Variants in ATP8A1 observed in about 807,000 individuals in gnomAD.
The protein encoded by ATP8A1 is ATPase phospholipid transporting 8A1.
Under a neutral mutation model 177.7 loss-of-function variants are expected in ATP8A1, and 90 were observed. The ratio of observed to expected loss-of-function variants is 0.51; its 90% CI spans 0.43 to 0.60. ATP8A1 has a LOEUF of 0.60. Among genes scored for constraint, ATP8A1 ranks in the 20% least tolerant of loss-of-function variants. The probability of loss-of-function intolerance (pLI) is 0.00; values close to 1 mark genes in which losing one functional copy is unlikely to be tolerated. For synonymous variants in ATP8A1, 493 were observed against 485.9 expected (o/e 1.01, Z -0.19); for missense variants, 1,072 against 1,392.8 (o/e 0.77, Z 3.67).
In ATP8A1 at chr4:42,507,809, A is replaced by C. The variant is rs200724771; in HGVS notation, c.1948-655T>G. Among the ~76,000 whole-genome samples, 78 of 139,446 alleles carry C rather than the reference A, an allele frequency of 5.6e-4. 1 individual carries two copies. The highest frequency in any genetic ancestry group is 2.1e-3 in the African/African-American group (72 of 34,288). 91.5% of individuals were successfully genotyped at this position (139,446 alleles called of 152,430 possible). ...AAAAAAAAAAAAAAAAAAAAAAAAA[A>C]CATACAAACAGCTATGGGAGACTAC... On this transcript the variant is annotated intron_variant, in intron 22 of 36. Coordinates refer to ENST00000381668, the MANE Select transcript of ATP8A1 (RefSeq NM_006095.2).
intron 20 of ATP8A1, among the ~76,000 whole-genome samples, chr4:42,537,141 A>G (rs1387781147): frequency 6.9e-6 from 1 of 144,326 alleles, no homozygotes; most frequent in Non-Finnish European, 1.5e-5. Flanking sequence ...TCAAAAAAAA[A>G]AAAAACAAAA....
In ATP8A1 at chr4:42,412,667, G is replaced by A. The variant is rs899544949; in HGVS notation, c.*249C>T. 2.7e-6 allele frequency: 1 copy of A among 364,716 alleles called. No individual in the cohort carries two copies. Among genetic ancestry groups the A allele is most frequent in the African/African-American group, 2.1e-5 (1 of 47,486 alleles). 22.6% of individuals were successfully genotyped at this position (364,716 alleles called of 1,614,324 possible). On this transcript the variant is annotated 3_prime_UTR_variant, in exon 37 of 37. Transcript: ENST00000381668. ...AGAAAGCCCTCTGGCAAGATACCAG[G>A]TCATTTTCAATTTCCGTTTACAAAG...
At position 42,447,403 on chromosome 4, in the gene ATP8A1, G is replaced by A. The variant is rs184443779; in HGVS notation, c.2897-759C>T. Among the ~76,000 whole-genome samples the A allele has an allele frequency of 8.0e-4, 122 of 152,040 alleles. No individual in the cohort carries two copies. In the Middle Eastern group the frequency reaches 0.024, roughly 30 times the overall value. On this transcript the variant is annotated intron_variant, in intron 30 of 36. Coordinates refer to ENST00000381668, the MANE Select transcript of ATP8A1 (RefSeq NM_006095.2). ...TCACCATGTTGACCAGGCTGGTCTC[G>A]AACTCCTGGCCTCAAGTGATCTGCT...
chr4:42,504,201 T>A (rs1167650760), intron 23 of ATP8A1, among the ~76,000 whole-genome samples: 1 of 152,222 alleles, frequency 6.6e-6, no homozygotes, highest in African/African-American at 2.4e-5. Flanking sequence ...ATCTAAATGT[T>A]GACCATTTTG....
chr4:42,461,244 C>CT (rs777847439), intron 27 of ATP8A1, among the ~76,000 whole-genome samples: 37,868 of 83,644 alleles, frequency 0.45, 5,921 homozygotes, highest in East Asian at 0.63. Flanking sequence ...TCAATTTTTT[C>CT]TTTCTTTTTT....
At chr4:42,615,747 A>G (rs916616130) in intron 5 of ATP8A1, among the ~76,000 whole-genome samples, 2 of 152,250 alleles carry the variant, frequency 1.3e-5, no homozygotes, top group African/African-American at 4.8e-5. Flanking sequence ...AATATTTAAC[A>G]CTGTCAAAAC....
intron 4 of ATP8A1, among the ~76,000 whole-genome samples, chr4:42,619,916 A>C (rs1737300971): frequency 6.6e-6 from 1 of 152,204 alleles, no homozygotes; most frequent in African/African-American, 2.4e-5. Flanking sequence ...CCCTTGCTAC[A>C]ATAACCACCT....
At chr4:42,442,584 A>T (rs1387179527) in intron 33 of ATP8A1, among the ~76,000 whole-genome samples, 1 of 152,254 alleles carries the variant, frequency 6.6e-6, no homozygotes, top group African/African-American at 2.4e-5. Flanking sequence ...TTGCTGTAAT[A>T]GTATATAATG....
Position 42,576,911 on chromosome 4 carries a change from T to C in ATP8A1, c.1129-1212A>G, listed in dbSNP as rs905569976. Among the ~76,000 whole-genome samples the C allele has an allele frequency of 2.0e-4, 30 of 152,240 alleles. 1 individual carries two copies. The highest frequency in any genetic ancestry group is 2.0e-3 in the Admixed American group (30 of 15,292). On this transcript the variant is annotated intron_variant, in intron 12 of 36. Coordinates refer to ENST00000381668, the MANE Select transcript of ATP8A1 (RefSeq NM_006095.2). ...AATTGGCATGATAGCTGAGTTCAGA[T>C]ATTTTGCAAGACTATCATTCAGAAA...
intron 25 of ATP8A1, chr4:42,472,211 T>C (rs1337279011): frequency 1.5e-5 from 9 of 590,292 alleles, no homozygotes; most frequent in Admixed American, 1.2e-4. Context: ...CCAAGTGAAA[T>C]TGTGGGCAAG....
chr4:42,444,087 C>T (rs1049810036), intron 32 of ATP8A1, among the ~76,000 whole-genome samples: 1 of 152,168 alleles, frequency 6.6e-6, no homozygotes, highest in Non-Finnish European at 1.5e-5. Context: ...GGACATGAAA[C>T]TTTAATGTCT....
intron 20 of ATP8A1, among the ~76,000 whole-genome samples, chr4:42,532,691 G>A (rs897092698): frequency 6.6e-6 from 1 of 152,192 alleles, no homozygotes; most frequent in African/African-American, 2.4e-5. Context: ...GCAGCGTGGA[G>A]ACTCATACTG....
chr4:42,452,535 C>A (rs1452630431), intron 29 of ATP8A1, among the ~76,000 whole-genome samples: 1 of 152,054 alleles, frequency 6.6e-6, no homozygotes, highest in Non-Finnish European at 1.5e-5. Flanking sequence ...CTATTCTCTG[C>A]AGGGTATCAA....
chr4:42,478,681 C>A (rs1721341865), intron 25 of ATP8A1, among the ~76,000 whole-genome samples: 1 of 152,136 alleles, frequency 6.6e-6, no homozygotes, highest in South Asian at 2.1e-4. Context: ...TAGCACCTTG[C>A]TGGGGGTTTT....
chr4:42,507,798 A>AAAAC (rs1553890685), intron 22 of ATP8A1, among the ~76,000 whole-genome samples: 3 of 124,656 alleles, frequency 2.4e-5, no homozygotes, highest in African/African-American at 7.9e-5. Flanking sequence ...AAAAAAAAAA[A>AAAAC]AAAAAAAAAA....
intron 30 of ATP8A1, among the ~76,000 whole-genome samples, chr4:42,451,583 C>G (rs1468302205): frequency 1.3e-5 from 2 of 152,124 alleles, no homozygotes; most frequent in Non-Finnish European, 2.9e-5. Flanking sequence ...AACATTGGCT[C>G]AAGTATACTT....
At chr4:42,507,758 C>CAAAAAAAAA (rs1724543723) in intron 22 of ATP8A1, among the ~76,000 whole-genome samples, 1 of 8,992 alleles carries the variant, frequency 1.1e-4, no homozygotes, top group Non-Finnish European at 2.3e-4. Context: ...AAAAAAAAGT[C>CAAAAAAAAA]AGTTAAAAAG....
In ATP8A1 at chr4:42,443,932, C is replaced by T. The variant is rs116284766; in HGVS notation, c.3016-260G>A. On this transcript the variant is annotated intron_variant, in intron 32 of 36. Coordinates refer to ENST00000381668, the MANE Select transcript of ATP8A1 (RefSeq NM_006095.2). ...TTTTTGGTAGTTTTCTCCTCTTACG[C>T]TTACCTTTTTTACCCCTGAACATTT... Among the ~76,000 whole-genome samples the T allele has an allele frequency of 1.3e-3, 196 of 152,204 alleles. 1 individual carries two copies. The highest frequency in any genetic ancestry group is 4.5e-3 in the African/African-American group (186 of 41,528).
intron 35 of ATP8A1, 150 bp from the exon 36 acceptor site, chr4:42,414,868 T>G: frequency 1.6e-6 from 1 of 632,512 alleles, no homozygotes; most frequent in Non-Finnish European, 2.8e-6. Flanking sequence ...TTTTCTCAGA[T>G]AGCGAATGAA....
Sources: allele counts gnomAD v4.1 joint callset (sites outside exome capture counted in the v4.1 genomes callset), GRCh38; gene constraint gnomAD v4.1.1; transcripts MANE v1.5; gene names NCBI Gene and HGNC (gene_info 2026-07-23, HGNC 2026-07-21).